The following SPECC1 variants were observed in gnomAD, a reference collection of about 807,000 sequenced individuals.
SPECC1 encodes the protein sperm antigen with calponin homology and coiled-coil domains 1, also known as cytospin-B.
In SPECC1, 62 loss-of-function variants were observed where a neutral mutation model predicts 104.1. The observed-to-expected ratio is 0.60, with a 90% confidence interval of 0.49 to 0.74. SPECC1 has a LOEUF of 0.74. Among genes scored for constraint, SPECC1 ranks in the 30% least tolerant of loss-of-function variants. The probability of loss-of-function intolerance (pLI) is 0.00; values close to 1 mark genes in which losing one functional copy is unlikely to be tolerated. For missense variants in SPECC1, 1,306 were observed against 1,310.5 expected (o/e 1.00, Z 0.05); for synonymous variants, 513 against 501.6 (o/e 1.02, Z -0.30).
chr17:20,288,871 C>A (rs532345463), intron 12 of SPECC1, among the ~76,000 whole-genome samples: 1 of 150,670 alleles, frequency 6.6e-6, no homozygotes, highest in Non-Finnish European at 1.5e-5. Context: ...GCAACCTCCG[C>A]CCCCCCGGGT....
chr17:20,246,006 C>T lies in SPECC1; in HGVS notation c.2432C>T (p.Pro811Leu), dbSNP rs2039406202. The T allele has an allele frequency of 9.9e-6, 16 of 1,614,130 alleles. No individual in the cohort carries two copies. The highest frequency in any genetic ancestry group is 1.4e-5 in the Non-Finnish European group (16 of 1,180,012). ...WPGVCVSRTS[P>L]TPPESATTVK... ...GGTGTCTGTGTTAGCAGAACATCTC[C>T]AACACCCCCAGAGTCGGCAACCACC... Residue 811 changes from proline (P) to leucine (L), a missense_variant, in exon 8 of 15, where the codon CCA (proline) becomes CTA (leucine). Physicochemically the swap from Pro to Leu is moderately conservative, Grantham distance 98. This residue lies in a region of SPECC1 where 1,177 missense variants were observed against 1,139.9 expected (regional missense o/e 1.03). Coordinates refer to ENST00000395527, the MANE Select transcript of SPECC1 (RefSeq NM_001243439.2).
At chr17:20,274,627 C>T (rs975057610) in intron 12 of SPECC1, among the ~76,000 whole-genome samples, 10 of 150,478 alleles carry the variant, frequency 6.6e-5, no homozygotes, top group East Asian at 2.0e-4. Flanking sequence ...ATTACAAGCA[C>T]GTGCCACCAC....
chr17:20,049,034 C>A (rs2045644767), intron 1 of SPECC1, among the ~76,000 whole-genome samples: 1 of 152,134 alleles, frequency 6.6e-6, no homozygotes, highest in African/African-American at 2.4e-5. Flanking sequence ...TCCCTTAGCT[C>A]CCAGTTCCCA....
At chr17:20,110,131 C>T (rs1202841934) in intron 2 of SPECC1, among the ~76,000 whole-genome samples, 3 of 152,194 alleles carry the variant, frequency 2.0e-5, no homozygotes, top group Non-Finnish European at 4.4e-5. Context: ...GTCACTGTGC[C>T]CAGCCACATT....
intron 12 of SPECC1, among the ~76,000 whole-genome samples, chr17:20,278,025 C>T (rs2040631231): frequency 6.6e-6 from 1 of 152,214 alleles, no homozygotes; most frequent in Non-Finnish European, 1.5e-5. Flanking sequence ...TCGCCTGCTA[C>T]CATGGCTTGA....
chr17:20,240,228 C>T (rs1275948178), intron 7 of SPECC1, among the ~76,000 whole-genome samples: 1 of 151,324 alleles, frequency 6.6e-6, no homozygotes, highest in African/African-American at 2.4e-5. Context: ...TTTCTAAGCA[C>T]ATCTTTGTAT....
chr17:20,165,594 A>G (rs539409735), intron 3 of SPECC1, among the ~76,000 whole-genome samples: 1 of 152,338 alleles, frequency 6.6e-6, no homozygotes, highest in African/African-American at 2.4e-5. Flanking sequence ...TGCTGAGTCA[A>G]ATGGCATTTC....
At chr17:20,239,441 T>G (rs1388533608) in intron 7 of SPECC1, 1 of 284,820 alleles carries the variant, frequency 3.5e-6, no homozygotes, top group Non-Finnish European at 5.4e-6. Flanking sequence ...CTCTGCACCT[T>G]TTTATTTTAT....
chr17:20,012,110 A>C (rs2043964653), intron 1 of SPECC1, among the ~76,000 whole-genome samples: 1 of 152,110 alleles, frequency 6.6e-6, no homozygotes, highest in Non-Finnish European at 1.5e-5. Flanking sequence ...TTTTAAAAAG[A>C]TGTTTTGTAG....
chr17:20,063,074 T>C (rs762294231), intron 1 of SPECC1, among the ~76,000 whole-genome samples: 3 of 152,188 alleles, frequency 2.0e-5, no homozygotes, highest in Non-Finnish European at 4.4e-5. Flanking sequence ...CAACTGCCTC[T>C]CAAGAGCCAT....
At chr17:20,057,541 T>G (rs2046014678) in intron 1 of SPECC1, 1 of 152,262 alleles carries the variant, frequency 6.6e-6, no homozygotes, top group Non-Finnish European at 1.5e-5. Context: ...TCACTCAGGC[T>G]GTGGCGCAGC....
At chr17:20,262,611 ATTC>A (rs1353410536) in intron 12 of SPECC1, among the ~76,000 whole-genome samples, 3 of 152,198 alleles carry the variant, frequency 2.0e-5, no homozygotes, top group African/African-American at 7.2e-5. Context: ...TTCCTACTGC[ATTC>A]TTAACAATAT....
chr17:20,186,589 G>T (rs929849340), intron 3 of SPECC1, among the ~76,000 whole-genome samples: 1 of 152,198 alleles, frequency 6.6e-6, no homozygotes, highest in Non-Finnish European at 1.5e-5. Context: ...ATGAGACAGG[G>T]TCTCACTCCC....
chr17:20,251,320 G>C (rs12452571), intron 9 of SPECC1, among the ~76,000 whole-genome samples: 11 of 150,348 alleles, frequency 7.3e-5, no homozygotes, highest in African/African-American at 2.7e-4. Context: ...GAAATTCTTA[G>C]AAAAGTAGGA....
intron 3 of SPECC1, among the ~76,000 whole-genome samples, chr17:20,121,244 T>A (rs1444317710): frequency 6.6e-6 from 1 of 152,180 alleles, no homozygotes; most frequent in Non-Finnish European, 1.5e-5. Context: ...CAAACCAGTT[T>A]TACTTTTTCT....
rs1355170506 is a variant in SPECC1 at position 20,206,055 on chromosome 17, A to G, written c.1863+143A>G. ...CAGCATTCCAGCTTGAAGGCCTGTT[A>G]GATTGCACACAGGTTGGGATTGGGG... On this transcript the variant is annotated intron_variant, in intron 4 of 14. Coordinates refer to ENST00000395527, the MANE Select transcript of SPECC1 (RefSeq NM_001243439.2). 1.4e-5 allele frequency: 17 copies of G among 1,190,866 alleles called. No individual in the cohort carries two copies. The Admixed American group carries it at 4.0e-4, about 28-fold the overall frequency. 73.8% of individuals were successfully genotyped at this position (1,190,866 alleles called of 1,614,324 possible). A position where few individuals can be genotyped will look rare whatever the true frequency, so the allele number is the denominator to read the frequency against.
intron 1 of SPECC1, among the ~76,000 whole-genome samples, chr17:20,064,061 G>A (rs762867698): frequency 1.3e-5 from 2 of 152,208 alleles, no homozygotes; most frequent in Non-Finnish European, 2.9e-5. Flanking sequence ...GGCCAGAGTT[G>A]GCAGAAGGAG....
chr17:20,114,743 A>G (rs2048675196), intron 3 of SPECC1, among the ~76,000 whole-genome samples: 1 of 152,138 alleles, frequency 6.6e-6, no homozygotes, highest in African/African-American at 2.4e-5. Flanking sequence ...GTATTTATGT[A>G]GTGTATTCTT....
At chr17:20,189,592 A>G (rs569785963) in intron 3 of SPECC1, among the ~76,000 whole-genome samples, 12 of 152,006 alleles carry the variant, frequency 7.9e-5, no homozygotes, top group Admixed American at 2.6e-4. Flanking sequence ...CTGCTGCCCT[A>G]TCTCCCCTGC....
Sources: allele counts gnomAD v4.1 joint callset (sites outside exome capture counted in the v4.1 genomes callset), GRCh38; gene constraint gnomAD v4.1.1; regional missense constraint gnomAD v4.1.1; transcripts MANE v1.5; gene names NCBI Gene and HGNC (gene_info 2026-07-23, HGNC 2026-07-21).